PPP3R1: variants seen among roughly 807,000 people sequenced by gnomAD.
The protein encoded by PPP3R1 is calcineurin subunit B type 1.
A neutral mutation model predicts 22.6 loss-of-function variants in PPP3R1; 5 were observed. The ratio of observed to expected loss-of-function variants is 0.22; its 90% CI spans 0.12 to 0.46. PPP3R1 has a LOEUF of 0.46. Among genes scored for constraint, PPP3R1 ranks in the 20% least tolerant of loss-of-function variants. The pLI, the probability that PPP3R1 is intolerant of heterozygous loss-of-function variation, is 0.99. For synonymous variants in PPP3R1, 56 were observed against 65.2 expected (o/e 0.86, Z 0.68); for missense variants, 61 against 203.2 (o/e 0.30, Z 4.25).
At chr2:68,198,335 A>T (rs905721884) in intron 2 of PPP3R1, among the ~76,000 whole-genome samples, 1 of 91,094 alleles carries the variant, frequency 1.1e-5, no homozygotes, top group African/African-American at 5.0e-5. Context: ...ATATGTACAT[A>T]TATGTACATG....
chr2:68,195,471 A>G (rs1445360359), intron 2 of PPP3R1, among the ~76,000 whole-genome samples: 1 of 152,090 alleles, frequency 6.6e-6, no homozygotes, highest in Non-Finnish European at 1.5e-5. Context: ...TCTCCACTAT[A>G]AATCTACCAT....
In PPP3R1 at chr2:68,212,020, G is replaced by C. The variant is rs544584507; in HGVS notation, c.43+5072C>G. On this transcript the variant is annotated intron_variant, in intron 2 of 5. Transcript: ENST00000234310. ...AAACTCTTGTTTATACTGATATTTTGACTTCCCATGAATCACGAATGTAAT... is the reference window on the plus strand; with the variant it reads ...AAACTCTTGTTTATACTGATATTTTCACTTCCCATGAATCACGAATGTAAT... Among the ~76,000 whole-genome samples, 37 of 152,242 alleles carry C rather than the reference G, an allele frequency of 2.4e-4. 1 individual carries two copies. The South Asian group carries it at 5.4e-3, about 22-fold the overall frequency.
chr2:68,187,170 T>C (rs1400349681), intron 4 of PPP3R1, 85 bp downstream of exon 4: 3 of 1,124,502 alleles, frequency 2.7e-6, no homozygotes, highest in Admixed American at 5.5e-5. Flanking sequence ...AAGACATCTT[T>C]TTCATTATTT....
intron 2 of PPP3R1, among the ~76,000 whole-genome samples, chr2:68,213,393 G>A (rs935016451): frequency 6.6e-6 from 1 of 152,124 alleles, no homozygotes; most frequent in Admixed American, 6.6e-5. Flanking sequence ...GAATAGGGAG[G>A]TCTGAGGAAA....
chr2:68,204,571 C>T (rs1039219838), intron 2 of PPP3R1, among the ~76,000 whole-genome samples: 2 of 152,142 alleles, frequency 1.3e-5, no homozygotes, highest in African/African-American at 4.8e-5. Context: ...TTTAAAGTCT[C>T]TTTGCTTCTA....
chr2:68,239,638 C>A (rs575442736), intron 1 of PPP3R1, among the ~76,000 whole-genome samples: 1 of 151,990 alleles, frequency 6.6e-6, no homozygotes, highest in Non-Finnish European at 1.5e-5. Context: ...ACGAATGAAT[C>A]ATCAGTACAC....
intron 1 of PPP3R1, among the ~76,000 whole-genome samples, chr2:68,246,790 C>A (rs544105549): frequency 1.3e-5 from 2 of 152,294 alleles, no homozygotes; most frequent in East Asian, 1.9e-4. Context: ...ATTCTCTCTA[C>A]ACAGGATTTC....
At chr2:68,219,804 C>T (rs10208241) in intron 1 of PPP3R1, among the ~76,000 whole-genome samples, 113,146 of 152,140 alleles carry the variant, frequency 0.74, 43,124 homozygotes, top group African/African-American at 0.93. Flanking sequence ...TGAAAAAAGT[C>T]CTAAAGCTAA....
At position 68,179,717 on chromosome 2, in the gene PPP3R1, AT is replaced by A. The variant is rs1254112094; in HGVS notation, c.*1245del. 1 of 152,208 alleles carries A rather than the reference AT, an allele frequency of 6.6e-6. No individual in the cohort carries two copies. Among genetic ancestry groups the A allele is most frequent in the East Asian group, 1.9e-4 (1 of 5,196 alleles). The allele number at this position is 152,208 out of a possible 1,614,324, so 9.4% of individuals were successfully genotyped here. A position where few individuals can be genotyped will look rare whatever the true frequency, so the allele number is the denominator to read the frequency against. On this transcript the variant is annotated 3_prime_UTR_variant, in exon 6 of 6. Transcript: ENST00000234310. ...ATCACACAAATTTATTAAGTTATCCATTACCAATTATATGGGCAAATCAAGA... is the reference window on the plus strand; with the variant it reads ...ATCACACAAATTTATTAAGTTATCCATACCAATTATATGGGCAAATCAAGA...
rs112829092 is a variant in PPP3R1, at chr2:68,213,480, T to G, written c.43+3612A>C. ...ACTGGACTAAGTTCACCATCTTACATGGACACCGTTCATGCTGCCCCAAAA... is the reference window on the plus strand; with the variant it reads ...ACTGGACTAAGTTCACCATCTTACAGGGACACCGTTCATGCTGCCCCAAAA... On this transcript the variant is annotated intron_variant, in intron 2 of 5. Coordinates refer to ENST00000234310, the MANE Select transcript of PPP3R1 (RefSeq NM_000945.4). Among the ~76,000 whole-genome samples the G allele has an allele frequency of 5.3e-5, 8 of 152,284 alleles. 1 individual carries two copies. Among genetic ancestry groups the G allele is most frequent in the African/African-American group, 1.7e-4 (7 of 41,540 alleles).
intron 2 of PPP3R1, among the ~76,000 whole-genome samples, chr2:68,207,198 T>C (rs1675146206): frequency 7.3e-6 from 1 of 136,254 alleles, no homozygotes; most frequent in Admixed American, 7.5e-5. Context: ...GGGAAATTGA[T>C]CCAAATAGTC....
At chr2:68,231,813 C>T (rs930528721) in intron 1 of PPP3R1, among the ~76,000 whole-genome samples, 3 of 151,914 alleles carry the variant, frequency 2.0e-5, no homozygotes, top group Admixed American at 1.3e-4. Flanking sequence ...CTAATGATTG[C>T]TTTTGCACCA....
At chr2:68,221,747 A>G (rs1007413664) in intron 1 of PPP3R1, among the ~76,000 whole-genome samples, 1 of 152,258 alleles carries the variant, frequency 6.6e-6, no homozygotes, top group Admixed American at 6.5e-5. Flanking sequence ...TCAGAGGGGA[A>G]AAAAGATAAA....
At chr2:68,230,954 G>T (rs1462249915) in intron 1 of PPP3R1, among the ~76,000 whole-genome samples, 1 of 152,142 alleles carries the variant, frequency 6.6e-6, no homozygotes, top group East Asian at 1.9e-4. Context: ...GAGATATCCT[G>T]GTCTGGATGT....
At chr2:68,217,038 A>ACACACG in intron 2 of PPP3R1, 54 bp downstream of exon 2, 2 of 1,267,788 alleles carry the variant, frequency 1.6e-6, no homozygotes, top group Non-Finnish European at 2.2e-6. Context: ...ACACACACAC[A>ACACACG]CAGAGAGAGA....
intron 2 of PPP3R1, among the ~76,000 whole-genome samples, chr2:68,201,524 G>A (rs145414789): frequency 2.0e-5 from 3 of 151,976 alleles, no homozygotes; most frequent in African/African-American, 4.8e-5. Flanking sequence ...CTGCCATTTC[G>A]TTCTAATTTG....
At chr2:68,245,333 A>G (rs1270727357) in intron 1 of PPP3R1, among the ~76,000 whole-genome samples, 1 of 152,136 alleles carries the variant, frequency 6.6e-6, no homozygotes, top group Non-Finnish European at 1.5e-5. Context: ...CCGCACTCCA[A>G]CCTGGGCAAA....
At chr2:68,202,933 G>T (rs898446293) in intron 2 of PPP3R1, among the ~76,000 whole-genome samples, 51 of 151,422 alleles carry the variant, frequency 3.4e-4, no homozygotes, top group African/African-American at 1.2e-3. Flanking sequence ...CTCCCGAGTA[G>T]CTGGGACTAC....
At chr2:68,226,814 G>C (rs1283033022) in intron 1 of PPP3R1, among the ~76,000 whole-genome samples, 17 of 152,078 alleles carry the variant, frequency 1.1e-4, no homozygotes, top group Non-Finnish European at 1.5e-5. Context: ...AAAGTACAAG[G>C]TTAGATTAAG....
Sources: allele counts gnomAD v4.1 joint callset (sites outside exome capture counted in the v4.1 genomes callset), GRCh38; gene constraint gnomAD v4.1.1; transcripts MANE v1.5; gene names NCBI Gene and HGNC (gene_info 2026-07-23, HGNC 2026-07-21).